Variants in DDX6 observed in about 807,000 individuals in gnomAD.
DDX6 encodes the protein probable ATP-dependent RNA helicase DDX6.
DDX6 carries 7 observed loss-of-function variants against 60.6 expected under a neutral mutation model. That is an observed-to-expected ratio of 0.12 (90% CI 0.07 to 0.22). The LOEUF (loss-of-function observed/expected upper bound fraction) is 0.22. Ranked by LOEUF, DDX6 falls within the 10% of genes least tolerant of loss-of-function variation. DDX6 has a pLI of 1.00. For missense variants in DDX6, 270 were observed against 589.9 expected (o/e 0.46, Z 5.62); for synonymous variants, 207 against 201.0 (o/e 1.03, Z -0.25).
At chr11:118,755,563 C>T (rs1555158589) in intron 11 of DDX6, 60 bp from the exon 12 acceptor site, 4 of 906,172 alleles carry the variant, frequency 4.4e-6, no homozygotes, top group Non-Finnish European at 7.1e-6. Flanking sequence ...CAGTACAATA[C>T]TAACACATAT....
chr11:118,784,116 A>T (rs1440273310), intron 2 of DDX6, among the ~76,000 whole-genome samples: 1 of 151,768 alleles, frequency 6.6e-6, no homozygotes, highest in Non-Finnish European at 1.5e-5. Flanking sequence ...TATAAAAAAA[A>T]TTAAAAATAG....
intron 9 of DDX6, among the ~76,000 whole-genome samples, chr11:118,758,041 T>A (rs1261377548): frequency 6.6e-6 from 1 of 152,182 alleles, no homozygotes; most frequent in African/African-American, 2.4e-5. Flanking sequence ...GTTCACAGTA[T>A]GAGAGCTAAA....
rs551155064 is a variant in DDX6, at chr11:118,771,340, T to C, written c.370-2988A>G. ...CTTTTGACTGACTTGATTAAGGCCA[T>C]TGACTTCTATTCCTTTGCCCTCTTT... On this transcript the variant is annotated intron_variant, in intron 4 of 13. Coordinates refer to ENST00000534980, the MANE Select transcript of DDX6 (RefSeq NM_004397.6). Among the ~76,000 whole-genome samples the C allele has an allele frequency of 7.2e-5, 11 of 152,370 alleles. No individual in the cohort carries two copies. In the South Asian group the frequency reaches 1.5e-3, roughly 20 times the overall value.
rs201170612 is a variant in DDX6 at position 118,768,366 on chromosome 11, G to A, written c.370-14C>T. The A allele has an allele frequency of 5.6e-4, 909 of 1,610,686 alleles. 2 individuals carry two copies. The highest frequency in any genetic ancestry group is 7.5e-4 in the Non-Finnish European group (879 of 1,179,562). On this transcript the variant is annotated splice_polypyrimidine_tract_variant and intron_variant, in intron 4 of 13. Coordinates refer to ENST00000534980, the MANE Select transcript of DDX6 (RefSeq NM_004397.6). ...AATGCTCTCCTCCTAAAAGAGATAA[G>A]ACAATACAAAATTACTTCTGAATGT...
intron 6 of DDX6, among the ~76,000 whole-genome samples, chr11:118,764,837 C>T (rs551117884): frequency 8.6e-5 from 13 of 150,682 alleles, no homozygotes; most frequent in African/African-American, 3.2e-4. Context: ...CACACACACA[C>T]ATTATATATA....
At chr11:118,775,762 T>G (rs1555163500) in intron 4 of DDX6, among the ~76,000 whole-genome samples, 1 of 152,092 alleles carries the variant, frequency 6.6e-6, no homozygotes, top group African/African-American at 2.4e-5. Context: ...ATAACAACAC[T>G]CAGAGTACAA....
At chr11:118,773,651 G>A (rs576361202) in intron 4 of DDX6, among the ~76,000 whole-genome samples, 2 of 151,478 alleles carry the variant, frequency 1.3e-5, no homozygotes, top group African/African-American at 4.9e-5. Flanking sequence ...AATGTCCCCT[G>A]CTTAACAGGA....
At chr11:118,765,058 T>G in intron 6 of DDX6, 151 bp downstream of exon 6, 1 of 844,592 alleles carries the variant, frequency 1.2e-6, no homozygotes, top group Non-Finnish European at 1.8e-6. Flanking sequence ...TATGGTAATT[T>G]GTCTTTTTCG....
At chr11:118,785,130 T>C (rs1220171321) in intron 2 of DDX6, among the ~76,000 whole-genome samples, 1 of 152,208 alleles carries the variant, frequency 6.6e-6, no homozygotes, top group Non-Finnish European at 1.5e-5. Flanking sequence ...TAAATGTTAA[T>C]TTCCTATAAC....
rs1439501889 is a variant in DDX6 at position 118,750,710 on chromosome 11, T to G, written c.*1395A>C. 6.9e-6 allele frequency: 1 copy of G among 145,746 alleles called. No individual in the cohort carries two copies. Among genetic ancestry groups the G allele is most frequent in the South Asian group, 2.1e-4 (1 of 4,730 alleles). 9.0% of individuals were successfully genotyped at this position (145,746 alleles called of 1,614,324 possible). A position where few individuals can be genotyped will look rare whatever the true frequency, so the allele number is the denominator to read the frequency against. Reference sequence around the variant, plus strand: ...GCAAGGTAGATTAATCTTTGCCCCCTGTTGCAGAGCTTGAAATATTCCTCA... The same window carrying G: ...GCAAGGTAGATTAATCTTTGCCCCCGGTTGCAGAGCTTGAAATATTCCTCA... On this transcript the variant is annotated 3_prime_UTR_variant, in exon 14 of 14. Coordinates refer to ENST00000534980, the MANE Select transcript of DDX6 (RefSeq NM_004397.6).
intron 9 of DDX6, among the ~76,000 whole-genome samples, chr11:118,758,451 G>A (rs1861051574): frequency 6.6e-6 from 1 of 151,976 alleles, no homozygotes; most frequent in African/African-American, 2.4e-5. Flanking sequence ...TCAGCTCACT[G>A]CAGCCTCCGC....
Position 118,754,834 on chromosome 11 carries a change from A to G in DDX6, c.1330T>C (p.Phe444Leu). The G allele has an allele frequency of 6.2e-7, 1 of 1,613,900 alleles. No individual in the cohort carries two copies. The highest frequency in any genetic ancestry group is 1.7e-5 in the Admixed American group (1 of 59,988). ...TGCTCCTCAATACTTTTCAGGTTGA[A>G]GCGATCATCATATGTGATCAAGTTG... ...AINLITYDDR[F>L]NLKSIEEQLG... Residue 444 changes from phenylalanine (F) to leucine (L), a missense_variant, in exon 13 of 14, where the codon TTC becomes CTC. Phe to Leu is a conservative substitution (Grantham distance 22). Coordinates refer to ENST00000534980, the MANE Select transcript of DDX6 (RefSeq NM_004397.6).
chr11:118,776,572 C>T (rs782468202), intron 4 of DDX6, among the ~76,000 whole-genome samples: 7 of 152,124 alleles, frequency 4.6e-5, no homozygotes, highest in Non-Finnish European at 8.8e-5. Flanking sequence ...TGTTGGCTCA[C>T]GTCTGTAATC....
intron 10 of DDX6, among the ~76,000 whole-genome samples, 188 bp from the exon 11 acceptor site, chr11:118,756,511 G>A (rs2137421057): frequency 6.6e-6 from 1 of 152,178 alleles, no homozygotes; most frequent in South Asian, 2.1e-4. Flanking sequence ...GTTTACTTAC[G>A]AAATTTCATA....
At chr11:118,783,381 G>A (rs1861966819) in intron 2 of DDX6, among the ~76,000 whole-genome samples, 1 of 152,150 alleles carries the variant, frequency 6.6e-6, no homozygotes, top group East Asian at 1.9e-4. Flanking sequence ...TAGAGACAGG[G>A]TCTTGCTATG....
In DDX6 at chr11:118,751,722, CGA is replaced by C. The variant is rs1214001463; in HGVS notation, c.*381_*382del. 3.1e-5 allele frequency: 9 copies of C among 290,494 alleles called. No individual in the cohort carries two copies. The highest frequency in any genetic ancestry group is 1.4e-4 in the African/African-American group (6 of 43,998). 18.0% of individuals were successfully genotyped at this position (290,494 alleles called of 1,614,324 possible). A position where few individuals can be genotyped will look rare whatever the true frequency, so the allele number is the denominator to read the frequency against. Reference sequence around the variant, plus strand: ...GGAATCAGGGAGAAGTTGAAATGCACGAGAGTCAGCTGTTGGAGAATTTTGAA... The same window carrying C: ...GGAATCAGGGAGAAGTTGAAATGCACGAGTCAGCTGTTGGAGAATTTTGAA... On this transcript the variant is annotated 3_prime_UTR_variant, in exon 14 of 14. Transcript: ENST00000534980.
At chr11:118,770,617 C>T (rs782397786) in intron 4 of DDX6, among the ~76,000 whole-genome samples, 1 of 152,060 alleles carries the variant, frequency 6.6e-6, no homozygotes, top group Non-Finnish European at 1.5e-5. Flanking sequence ...TGGCTGGGAA[C>T]GATGGCTCAT....
chr11:118,768,987 CAA>C lies in DDX6; in HGVS notation c.370-637_370-636del, dbSNP rs782136763. On this transcript the variant is annotated intron_variant, in intron 4 of 13. Transcript: ENST00000534980. ...GCATGAAAGAGACCTCGTCTCATCT[CAA>C]AAAAAAAAAAAAAAAAAAAAGGCTA... Among the ~76,000 whole-genome samples, 166 of 39,972 alleles carry C rather than the reference CAA, an allele frequency of 4.2e-3. 2 individuals carry two copies. The highest frequency in any genetic ancestry group is 0.016 in the African/African-American group (157 of 9,800). The allele number at this position is 39,972 out of a possible 152,430, so 26.2% of individuals were successfully genotyped here. A position where few individuals can be genotyped will look rare whatever the true frequency, so the allele number is the denominator to read the frequency against.
Position 118,779,613 on chromosome 11 carries a change from A to C in DDX6, c.369+19T>G. 6.6e-7 allele frequency: 1 copy of C among 1,526,258 alleles called. No individual in the cohort carries two copies. Among genetic ancestry groups the C allele is most frequent in the Non-Finnish European group, 9.0e-7 (1 of 1,108,908 alleles). The allele number at this position is 1,526,258 out of a possible 1,614,324, so 94.5% of individuals were successfully genotyped here. ...GTTGACACATAACCTTACATATGTG[A>C]TAAAAAGGGTTAACATACCTGAATA... is the stretch of plus-strand genomic sequence containing the variant. On this transcript the variant is annotated intron_variant, in intron 4 of 13. Coordinates refer to ENST00000534980, the MANE Select transcript of DDX6 (RefSeq NM_004397.6).
Sources: allele counts gnomAD v4.1 joint callset (sites outside exome capture counted in the v4.1 genomes callset), GRCh38; gene constraint gnomAD v4.1.1; transcripts MANE v1.5; gene names NCBI Gene and HGNC (gene_info 2026-07-23, HGNC 2026-07-21).